Variants in MRPL58 observed in about 807,000 individuals in gnomAD.
MRPL58 encodes large ribosomal subunit protein mL62.
A neutral mutation model predicts 26.0 loss-of-function variants in MRPL58; 17 were observed. That is an observed-to-expected ratio of 0.65 (90% CI 0.45 to 0.98). MRPL58 has a LOEUF of 0.98. Among genes scored for constraint, MRPL58 ranks in the 50% least tolerant of loss-of-function variants. The probability of loss-of-function intolerance (pLI) is 0.00; values close to 1 mark genes in which losing one functional copy is unlikely to be tolerated. For synonymous variants in MRPL58, 100 were observed against 99.7 expected, an observed-to-expected ratio of 1.00 and a Z score of -0.02; for missense variants, 250 against 269.0, an observed-to-expected ratio of 0.93 and a Z score of 0.49.
Position 75,020,359 on chromosome 17 carries a change from G to T in MRPL58, c.330G>T (p.Trp110Cys), listed in dbSNP as rs747606400. The change falls in exon 4 of 6, where the codon TGG becomes TGT. Residue 110 changes from tryptophan (W) to cysteine (C), a missense_variant. Physicochemically the swap from Trp to Cys is radical, Grantham distance 215. Coordinates refer to ENST00000301585, the MANE Select transcript of MRPL58 (RefSeq NM_001545.3). ...EVRFHLATAE[W>C]IAEPVRQKIA... is the part of the protein sequence containing the mutation. ...GGTTCCATTTGGCAACTGCCGAGTG[G>T]ATCGCGGAGCCCGTGCGGCAGAAGA... 2 of 1,614,122 alleles carry T rather than the reference G, an allele frequency of 1.2e-6. No individual in the cohort carries two copies. The highest frequency in any genetic ancestry group is 1.7e-6 in the Non-Finnish European group (2 of 1,180,020).
chr17:75,020,611 A>G lies in MRPL58; in HGVS notation c.490A>G (p.Thr164Ala). The G allele has an allele frequency of 6.2e-7, 1 of 1,614,180 alleles. No homozygotes were observed. The highest frequency in any genetic ancestry group is 8.5e-7 in the Non-Finnish European group (1 of 1,180,036). Reference protein sequence around the residue: ...IRDMITEASQTPKEPTKEDVK... With the variant: ...IRDMITEASQAPKEPTKEDVK... The stretch of plus-strand genomic sequence containing the variant: ...AGACATGATCACTGAGGCCAGCCAG[A>G]CACCGAAGGAGCCAACAAAAGAAGA... Residue 164 changes from threonine to alanine, a missense_variant, in exon 5 of 6, where the codon ACA (threonine) becomes GCA (alanine). Coordinates refer to ENST00000301585, the MANE Select transcript of MRPL58 (RefSeq NM_001545.3).
At position 75,020,488 on chromosome 17, in the gene MRPL58, C is replaced by T; in HGVS notation, c.367C>T (p.His123Tyr). 6.2e-7 allele frequency: 1 copy of T among 1,613,982 alleles called. No individual in the cohort carries two copies. Among genetic ancestry groups the T allele is most frequent in the Non-Finnish European group, 8.5e-7 (1 of 1,179,866 alleles). The change falls in exon 5 of 6, where the codon CAT becomes TAT. Residue 123 changes from histidine (H) to tyrosine (Y), a missense_variant and splice_region_variant. Transcript: ENST00000301585. Reference sequence around the variant, plus strand: ...CCAGTTTTTCATTTGTTCTCTGCAGCATAAAAACAAGATCAACAGGTTAGG... The same window carrying T: ...CCAGTTTTTCATTTGTTCTCTGCAGTATAAAAACAAGATCAACAGGTTAGG... ...EPVRQKIAIT[H>Y]KNKINRLGEL...
At chr17:75,013,819 C>T (rs2039951698) in intron 1 of MRPL58, among the ~76,000 whole-genome samples, 1 of 152,160 alleles carries the variant, frequency 6.6e-6, no homozygotes, top group Non-Finnish European at 1.5e-5. Flanking sequence ...CAGCAGGGGT[C>T]AGGAGACAAA....
Position 75,020,914 on chromosome 17 carries a change from T to G in MRPL58, c.537-7T>G. The G allele has an allele frequency of 6.2e-7, 1 of 1,611,760 alleles. No homozygotes were observed. The highest frequency in any genetic ancestry group is 8.5e-7 in the Non-Finnish European group (1 of 1,177,894). On this transcript the variant is annotated splice_polypyrimidine_tract_variant and splice_region_variant and intron_variant, in intron 5 of 5. Coordinates refer to ENST00000301585, the MANE Select transcript of MRPL58 (RefSeq NM_001545.3). ...TCTGGGGCTAATTGCAGTCTTTTTG[T>G]TTTCAGGATAGAAAACATGAATCGG... is the stretch of plus-strand genomic sequence containing the variant.
rs537176023 is a variant in MRPL58, at chr17:75,012,678, G to A, written c.-9G>A. On this transcript the variant is annotated 5_prime_UTR_variant, in exon 1 of 6. Coordinates refer to ENST00000301585, the MANE Select transcript of MRPL58 (RefSeq NM_001545.3). ...AAGCGCCCGCCGGAAGCAGTCGCAA[G>A]ACCTGAGCATGGCGGCCACCAGGTG... 6.2e-5 allele frequency: 95 copies of A among 1,538,942 alleles called. No homozygotes were observed. The Middle Eastern group carries it at 1.3e-3, about 21-fold the overall frequency.
At chr17:75,019,620 ACATT>A in intron 2 of MRPL58, 76 bp from the exon 3 acceptor site, 1 of 1,366,426 alleles carries the variant, frequency 7.3e-7, no homozygotes, top group Non-Finnish European at 1.0e-6. Flanking sequence ...TACCTTCCCT[ACATT>A]CCTCAGACAC....
rs747055781 is a variant in MRPL58 at position 75,012,800 on chromosome 17, G to A, written c.114G>A (p.Glu38=). The change falls in exon 1 of 6, where the codon GAG becomes GAA. Residue 38 remains glutamate (E), a synonymous_variant. Transcript: ENST00000301585. The part of the protein sequence containing the change: ...RALHKQKDGT[E]FKSIYSLDKL... ...TGCACAAGCAGAAAGACGGCACTGA[G>A]TTCAAGAGCATCTACAGCCTGGACA... is the stretch of plus-strand genomic sequence containing the variant. The A allele has an allele frequency of 2.5e-6, 4 of 1,611,846 alleles. No homozygotes were observed. The African/African-American group carries it at 4.0e-5, about 16-fold the overall frequency.
chr17:75,013,508 T>C (rs1406477340), intron 1 of MRPL58, among the ~76,000 whole-genome samples: 1 of 152,184 alleles, frequency 6.6e-6, no homozygotes, highest in South Asian at 2.1e-4. Flanking sequence ...ATTCTAAAGC[T>C]TGTGGAGCTT....
intron 1 of MRPL58, among the ~76,000 whole-genome samples, chr17:75,014,086 G>A (rs1199679952): frequency 6.6e-6 from 1 of 151,634 alleles, no homozygotes; most frequent in African/African-American, 2.4e-5. Flanking sequence ...GAATTGGTCA[G>A]ATCCTAGACG....
rs2040005826 is a variant in MRPL58, at chr17:75,020,300, C to T, written c.284-13C>T. The T allele has an allele frequency of 3.1e-6, 5 of 1,611,574 alleles. No homozygotes were observed. The highest frequency in any genetic ancestry group is 4.2e-6 in the Non-Finnish European group (5 of 1,178,028). On this transcript the variant is annotated splice_polypyrimidine_tract_variant and intron_variant, in intron 3 of 5. Coordinates refer to ENST00000301585, the MANE Select transcript of MRPL58 (RefSeq NM_001545.3). Reference sequence around the variant, plus strand: ...CTCAGGCACCCATGCTCCCTTCTCCCTTTCCTCCACAGTGAATTCCAAGGC... The same window carrying T: ...CTCAGGCACCCATGCTCCCTTCTCCTTTTCCTCCACAGTGAATTCCAAGGC...
rs769994379 is a variant in MRPL58, at chr17:75,018,214, A to T, written c.223+1100A>T. Among the ~76,000 whole-genome samples the T allele has an allele frequency of 2.0e-5, 3 of 150,886 alleles. No homozygotes were observed. The South Asian group carries it at 6.3e-4, about 32-fold the overall frequency. On this transcript the variant is annotated intron_variant, in intron 2 of 5. Coordinates refer to ENST00000301585, the MANE Select transcript of MRPL58 (RefSeq NM_001545.3). Reference sequence around the variant, plus strand: ...ATAAGCTACCATTTGTTTTTTACATATCTATATCTCTGAAATATCTTTTTT... The same window carrying T: ...ATAAGCTACCATTTGTTTTTTACATTTCTATATCTCTGAAATATCTTTTTT...
intron 2 of MRPL58, among the ~76,000 whole-genome samples, chr17:75,019,045 G>A (rs1040026602): frequency 9.9e-5 from 15 of 151,792 alleles, no homozygotes; most frequent in Admixed American, 7.2e-4. Flanking sequence ...CGGGATGTTC[G>A]CTTCAGCCTG....
chr17:75,017,027 GA>G, intron 1 of MRPL58, 50 bp from the exon 2 acceptor site: 1 of 1,409,106 alleles, frequency 7.1e-7, no homozygotes, highest in Non-Finnish European at 1.0e-6. Flanking sequence ...AACCAGTTAG[GA>G]GTCACCCAGC....
intron 1 of MRPL58, 62 bp downstream of exon 1, chr17:75,012,934 C>T: frequency 6.8e-7 from 1 of 1,474,916 alleles, no homozygotes; most frequent in Non-Finnish European, 9.3e-7. Flanking sequence ...ACGTTAGGAA[C>T]CCCAGGCCCA....
chr17:75,020,253 G>A (rs1443114303), intron 3 of MRPL58, 60 bp from the exon 4 acceptor site: 3 of 1,318,658 alleles, frequency 2.3e-6, no homozygotes, highest in Non-Finnish European at 3.3e-6. Context: ...TGGTCACCCA[G>A]GGGTTGATCC....
chr17:75,019,022 G>A (rs550438603), intron 2 of MRPL58, among the ~76,000 whole-genome samples: 9 of 152,050 alleles, frequency 5.9e-5, no homozygotes, highest in African/African-American at 2.2e-4. Context: ...GAGGTGGAAG[G>A]ATCCCTTGAG....
chr17:75,015,651 TCAGAAGGAA>T (rs1318908268), intron 1 of MRPL58, among the ~76,000 whole-genome samples: 2 of 152,170 alleles, frequency 1.3e-5, no homozygotes, highest in Non-Finnish European at 2.9e-5. Flanking sequence ...GAGGAAAATT[TCAGAAGGAA>T]CAGAAGGAAC....
At chr17:75,012,920 G>A (rs1435119049) in intron 1 of MRPL58, 48 bp downstream of exon 1, 1 of 1,541,824 alleles carries the variant, frequency 6.5e-7, no homozygotes, top group South Asian at 1.1e-5. Context: ...CAGGCTGCTG[G>A]GTGACGTTAG....
At position 75,020,392 on chromosome 17, in the gene MRPL58, C is replaced by G. The variant is rs2040006969; in HGVS notation, c.363C>G (p.Ile121Met). 6.2e-7 allele frequency: 1 copy of G among 1,613,964 alleles called. No individual in the cohort carries two copies. Among genetic ancestry groups the G allele is most frequent in the Admixed American group, 1.7e-5 (1 of 59,996 alleles). The change falls in exon 4 of 6, where the codon ATC (isoleucine) becomes ATG (methionine). Residue 121 changes from isoleucine (I) to methionine (M), a missense_variant. By Grantham distance (10) the Ile-to-Met change is conservative. Coordinates refer to ENST00000301585, the MANE Select transcript of MRPL58 (RefSeq NM_001545.3). ...AGCCCGTGCGGCAGAAGATAGCCAT[C>G]ACGGTAACCACCATCCCTTTCTTTC... ...IAEPVRQKIAITHKNKINRLG... is the reference protein window; with the variant it reads ...IAEPVRQKIAMTHKNKINRLG...
Sources: gnomAD v4.1 joint callset for allele counts (sites outside exome capture counted in the v4.1 genomes callset) on GRCh38, gnomAD v4.1.1 for gene constraint, MANE v1.5 for transcripts, NCBI Gene and HGNC (gene_info 2026-07-23, HGNC 2026-07-21) for gene names.